Variants in RTN3 observed in about 807,000 individuals in gnomAD.
RTN3 encodes reticulon 3.
RTN3 carries 49 observed loss-of-function variants against 77.8 expected under a neutral mutation model. The observed-to-expected ratio is 0.63, with a 90% CI of 0.50 to 0.80. RTN3 has a LOEUF of 0.80. Among genes scored for constraint, RTN3 ranks in the 30% least tolerant of loss-of-function variants. The probability of loss-of-function intolerance (pLI) is 0.00; values close to 1 mark genes in which losing one functional copy is unlikely to be tolerated. For missense variants in RTN3, 1,236 were observed against 1,211.9 expected, an observed-to-expected ratio of 1.02 and a Z score of -0.29; for synonymous variants, 464 against 446.9, an observed-to-expected ratio of 1.04 and a Z score of -0.48.
At chr11:63,739,900 A>G (rs2013357650) in intron 3 of RTN3, among the ~76,000 whole-genome samples, 1 of 152,094 alleles carries the variant, frequency 6.6e-6, no homozygotes. Flanking sequence ...CTATTTCTGT[A>G]TTTGTCTTGG....
Position 63,727,027 on chromosome 11 carries a change from T to TA in RTN3, c.2530+6001dup, listed in dbSNP as rs555629910. Among the ~76,000 whole-genome samples the TA allele has an allele frequency of 2.0e-3, 311 of 151,998 alleles. 1 individual carries two copies. The highest frequency in any genetic ancestry group is 7.1e-3 in the African/African-American group (294 of 41,434). ...CAGCATGGTGAAACCCCATCTCCACTAAAAAATACAAAATTAAGCCAGGCA... is the reference window on the plus strand; with the variant it reads ...CAGCATGGTGAAACCCCATCTCCACTAAAAAAATACAAAATTAAGCCAGGCA... On this transcript the variant is annotated intron_variant, in intron 3 of 8. Transcript: ENST00000377819.
At chr11:63,736,287 C>T (rs995728537) in intron 3 of RTN3, among the ~76,000 whole-genome samples, 2 of 152,150 alleles carry the variant, frequency 1.3e-5, no homozygotes, top group African/African-American at 4.8e-5. Context: ...CTTGCTTCTT[C>T]GAAGCTATCA....
At chr11:63,752,689 G>A (rs200625469) in intron 5 of RTN3, 44 bp downstream of exon 5, 1,104 of 1,597,928 alleles carry the variant, frequency 6.9e-4, no homozygotes, top group Non-Finnish European at 9.0e-4. Flanking sequence ...AGAAAAAGCA[G>A]GGACTGGGTT....
rs765966769 is a variant in RTN3, at chr11:63,720,790, A to T, written c.2288A>T (p.Gln763Leu). 4 of 1,614,102 alleles carry T rather than the reference A, an allele frequency of 2.5e-6. No homozygotes were observed. The highest frequency in any genetic ancestry group is 3.4e-6 in the Non-Finnish European group (4 of 1,180,028). The change falls in exon 3 of 9, where the codon CAG becomes CTG. Residue 763 changes from glutamine to leucine, a missense_variant. Around this residue, in one of 3 missense-constraint regions of RTN3, gnomAD observed 1,056 missense variants for 990.4 expected, o/e 1.07. Transcript: ENST00000377819. ...CAGGTTGAGAAGTCAACTTCTGCACAGCGTGACGCAGAATTGCCTTCTGAA... is the reference window on the plus strand; with the variant it reads ...CAGGTTGAGAAGTCAACTTCTGCACTGCGTGACGCAGAATTGCCTTCTGAA... The part of the protein sequence containing the change: ...ERQVEKSTSA[Q>L]RDAELPSEEV...
At chr11:63,699,426 C>T (rs117645929) in intron 1 of RTN3, among the ~76,000 whole-genome samples, 1 of 152,288 alleles carries the variant, frequency 6.6e-6, no homozygotes, top group Non-Finnish European at 1.5e-5. Context: ...CCTGTCTTCT[C>T]TCTTGTCAGC....
intron 2 of RTN3, among the ~76,000 whole-genome samples, chr11:63,716,822 A>C (rs1251543162): frequency 2.0e-5 from 3 of 152,026 alleles, no homozygotes; most frequent in African/African-American, 7.2e-5. Flanking sequence ...AAATAAAATT[A>C]GCCAGGCGTG....
chr11:63,722,210 G>T (rs750564122), intron 3 of RTN3, among the ~76,000 whole-genome samples: 7 of 152,026 alleles, frequency 4.6e-5, no homozygotes, highest in Non-Finnish European at 8.8e-5. Context: ...GCTATGTAGA[G>T]GTCTGTGGTT....
chr11:63,735,061 C>G (rs1171584226), intron 3 of RTN3, among the ~76,000 whole-genome samples: 1 of 152,114 alleles, frequency 6.6e-6, no homozygotes, highest in Non-Finnish European at 1.5e-5. Context: ...CAGCCTTTCT[C>G]TGTCGCCCAG....
intron 1 of RTN3, among the ~76,000 whole-genome samples, chr11:63,684,640 T>C (rs1002806478): frequency 1.3e-5 from 2 of 152,164 alleles, no homozygotes; most frequent in African/African-American, 4.8e-5. Flanking sequence ...TTGTATTTCT[T>C]AGATGTGCTG....
intron 3 of RTN3, among the ~76,000 whole-genome samples, chr11:63,737,114 A>G (rs1215678980): frequency 1.3e-5 from 2 of 151,862 alleles, no homozygotes; most frequent in Admixed American, 6.6e-5. Context: ...GACTACGGGT[A>G]TACGCCGCCA....
chr11:63,734,734 AACAC>A (rs754454322), intron 3 of RTN3, among the ~76,000 whole-genome samples: 5,861 of 81,238 alleles, frequency 0.072, 169 homozygotes, highest in South Asian at 0.14. Context: ...TCTGTCTCAA[AACAC>A]ACACACACAC....
In RTN3 at chr11:63,719,803, A is replaced by G. The variant is rs2011625133; in HGVS notation, c.1301A>G (p.Lys434Arg). ...SLNSTKEFSI[K>R]GVQGNMQKQD... The stretch of plus-strand genomic sequence containing the variant: ...AATTCCACAAAAGAATTCAGTATCA[A>G]AGGTGTGCAAGGCAATATGCAGAAA... Residue 434 changes from lysine to arginine, a missense_variant, in exon 3 of 9, where the codon AAA (lysine) becomes AGA (arginine). By Grantham distance (26) the Lys-to-Arg change is conservative (BLOSUM62 2). Transcript: ENST00000377819. 1 of 1,614,180 alleles carries G rather than the reference A, an allele frequency of 6.2e-7. No individual in the cohort carries two copies. Among genetic ancestry groups the G allele is most frequent in the South Asian group, 1.1e-5 (1 of 91,072 alleles).
chr11:63,684,253 A>G (rs371122446), intron 1 of RTN3, among the ~76,000 whole-genome samples: 1 of 142,452 alleles, frequency 7.0e-6, no homozygotes, highest in Admixed American at 7.6e-5. Flanking sequence ...GGTTCATGCC[A>G]TTCTCCTGCC....
chr11:63,699,062 C>T (rs1455612548), intron 1 of RTN3, among the ~76,000 whole-genome samples: 6 of 152,052 alleles, frequency 3.9e-5, no homozygotes, highest in Non-Finnish European at 1.5e-5. Context: ...CCAAGGTGGG[C>T]GGGTCACTTT....
At chr11:63,752,962 C>A in intron 5 of RTN3, 107 bp from the exon 6 acceptor site, 1 of 1,072,738 alleles carries the variant, frequency 9.3e-7, no homozygotes, top group Non-Finnish European at 1.4e-6. Context: ...CCATGTCACA[C>A]ATCACTAAAT....
chr11:63,736,636 C>T (rs1590866322), intron 3 of RTN3, among the ~76,000 whole-genome samples: 1 of 152,166 alleles, frequency 6.6e-6, no homozygotes, highest in South Asian at 2.1e-4. Context: ...TGCAGTGAGC[C>T]AAGATTGCAC....
intron 1 of RTN3, among the ~76,000 whole-genome samples, chr11:63,702,274 G>GT (rs1374570864): frequency 2.0e-5 from 3 of 149,876 alleles, no homozygotes; most frequent in African/African-American, 4.9e-5. Context: ...TTAGTGTGTG[G>GT]TTTTTTTGTG....
chr11:63,723,486 C>A (rs375188660), intron 3 of RTN3, among the ~76,000 whole-genome samples: 2 of 150,078 alleles, frequency 1.3e-5, no homozygotes, highest in Non-Finnish European at 1.5e-5. Flanking sequence ...TGCAGTGGCG[C>A]GATCTCGGCT....
chr11:63,741,209 A>AT (rs1226706164), intron 3 of RTN3, among the ~76,000 whole-genome samples: 112 of 142,094 alleles, frequency 7.9e-4, no homozygotes, highest in Non-Finnish European at 1.3e-3. Flanking sequence ...TTATTTATTT[A>AT]TTTATTTTTT....
Sources: gnomAD v4.1 joint callset for allele counts (sites outside exome capture counted in the v4.1 genomes callset) on GRCh38, gnomAD v4.1.1 for gene constraint, gnomAD v4.1.1 regional missense constraint, MANE v1.5 for transcripts, NCBI Gene and HGNC (gene_info 2026-07-23, HGNC 2026-07-21) for gene names.